Variants in IKZF1 observed in about 807,000 individuals in gnomAD.
IKZF1 encodes the protein IKAROS family zinc finger 1, also known as DNA-binding protein Ikaros.
In IKZF1, 10 loss-of-function variants were observed where a neutral mutation model predicts 51.7. That is an observed-to-expected ratio of 0.19 (90% CI 0.12 to 0.33). IKZF1 has a LOEUF of 0.33. Ranked by LOEUF, IKZF1 falls within the 10% of genes least tolerant of loss-of-function variation. IKZF1 has a pLI of 1.00. For missense variants in IKZF1, 484 were observed against 707.5 expected, an observed-to-expected ratio of 0.68 and a Z score of 3.58; for synonymous variants, 280 against 282.3, an observed-to-expected ratio of 0.99 and a Z score of 0.08.
At chr7:50,357,144 C>T (rs1001937278) in intron 3 of IKZF1, among the ~76,000 whole-genome samples, 5 of 151,874 alleles carry the variant, frequency 3.3e-5, no homozygotes, top group African/African-American at 7.3e-5. Flanking sequence ...GTGTTATAAC[C>T]GACTCCTTCT....
At chr7:50,311,019 A>G (rs1352440656) in intron 1 of IKZF1, among the ~76,000 whole-genome samples, 1 of 152,240 alleles carries the variant, frequency 6.6e-6, no homozygotes, top group East Asian at 1.9e-4. Context: ...ATAGTTCAAC[A>G]TAGATTAATT....
Position 50,400,601 on chromosome 7 carries a change from G to C in IKZF1, c.1534G>C (p.Gly512Arg), listed in dbSNP as rs1290131938. ...RYEFSSHITR[G>R]EHRFHMS ...CGAGTTCTCGTCGCACATAACGCGA[G>C]GGGAGCACCGCTTCCACATGAGCTA... The change falls in exon 8 of 8, where the codon GGG becomes CGG. Residue 512 changes from glycine to arginine, a missense_variant. Physicochemically the swap from Gly to Arg is moderately radical, Grantham distance 125. This residue lies in a region of IKZF1 where 42 missense variants were observed against 84.4 expected (regional missense o/e 0.50). Transcript: ENST00000331340. This position sits in a 1 kb window ranked among gnomAD's most constrained non-coding sequence, Gnocchi z 5.4. 1 of 1,611,440 alleles carries C rather than the reference G, an allele frequency of 6.2e-7. No individual in the cohort carries two copies. The highest frequency in any genetic ancestry group is 8.5e-7 in the Non-Finnish European group (1 of 1,179,868).
rs548898195 is a variant in IKZF1, at chr7:50,359,665, C to T, written c.161-16868C>T. ...ACATACACATGTACACACGTGCACA[C>T]GTGGTCACTCATGTACACATGTGTG... On this transcript the variant is annotated intron_variant, in intron 3 of 7. Coordinates refer to ENST00000331340, the MANE Select transcript of IKZF1 (RefSeq NM_006060.6). Among the ~76,000 whole-genome samples the T allele has an allele frequency of 2.1e-4, 32 of 152,382 alleles. No individual in the cohort carries two copies. The South Asian group carries it at 2.7e-3, about 13-fold the overall frequency.
intron 4 of IKZF1, among the ~76,000 whole-genome samples, chr7:50,379,524 T>C (rs924862914): frequency 6.6e-6 from 1 of 152,160 alleles, no homozygotes; most frequent in Non-Finnish European, 1.5e-5. Flanking sequence ...TCCCCACCAA[T>C]GTCTCAGGGT....
intron 2 of IKZF1, among the ~76,000 whole-genome samples, chr7:50,326,417 T>C (rs1385450210): frequency 6.6e-6 from 1 of 152,238 alleles, no homozygotes; most frequent in East Asian, 1.9e-4. Context: ...CACACGTAGC[T>C]ATACTGCATA....
At chr7:50,399,874 C>T (rs1014337844) in intron 7 of IKZF1, 44 bp from the exon 8 acceptor site, 1 of 1,570,298 alleles carries the variant, frequency 6.4e-7, no homozygotes. Context: ...CTGACCGGTT[C>T]CGGAGGTGGC....
At chr7:50,385,196 A>G (rs1226270415) in intron 5 of IKZF1, among the ~76,000 whole-genome samples, 1 of 152,206 alleles carries the variant, frequency 6.6e-6, no homozygotes, top group African/African-American at 2.4e-5. Context: ...CTGTCCGAAA[A>G]TGCTATAGAG....
intron 1 of IKZF1, among the ~76,000 whole-genome samples, chr7:50,312,614 C>T (rs997652557): frequency 9.9e-5 from 15 of 152,114 alleles, no homozygotes; most frequent in African/African-American, 3.6e-4. Flanking sequence ...GTTTCTTTTC[C>T]CTCTGTATCA....
At chr7:50,327,870 G>A in intron 3 of IKZF1, 113 bp downstream of exon 3, 1 of 1,192,814 alleles carries the variant, frequency 8.4e-7, no homozygotes, top group South Asian at 1.6e-5. Context: ...CCCTCAACTG[G>A]CATATTAAAG....
intron 7 of IKZF1, among the ~76,000 whole-genome samples, chr7:50,394,634 G>A (rs115999984): frequency 0.012 from 1,779 of 152,326 alleles, 35 homozygotes; most frequent in African/African-American, 0.039. Context: ...GGTGATGGAT[G>A]TGATGGTGCT....
intron 7 of IKZF1, among the ~76,000 whole-genome samples, chr7:50,395,948 T>A (rs560477791): frequency 6.6e-6 from 1 of 152,330 alleles, no homozygotes; most frequent in South Asian, 2.1e-4. Context: ...TCAAGTCTAG[T>A]GTAACTGTTT....
At chr7:50,319,937 G>C (rs187263035) in intron 2 of IKZF1, among the ~76,000 whole-genome samples, 68 of 152,294 alleles carry the variant, frequency 4.5e-4, no homozygotes, top group African/African-American at 1.6e-3. Flanking sequence ...TGAAGACCAG[G>C]ACCTATGTGT....
intron 1 of IKZF1, among the ~76,000 whole-genome samples, chr7:50,314,796 A>T (rs2153350745): frequency 6.6e-6 from 1 of 152,328 alleles, no homozygotes; most frequent in Middle Eastern, 3.4e-3. Flanking sequence ...CTCCTTTGGG[A>T]TGCTGAAGTC....
At chr7:50,373,828 A>C (rs905580187) in intron 3 of IKZF1, among the ~76,000 whole-genome samples, 1 of 152,176 alleles carries the variant, frequency 6.6e-6, no homozygotes, top group Non-Finnish European at 1.5e-5. Context: ...CTCAATGGTC[A>C]TTAAGCACCA....
intron 1 of IKZF1, 115 bp from the exon 2 acceptor site, chr7:50,318,933 A>G: frequency 1.5e-6 from 1 of 653,234 alleles, no homozygotes; most frequent in South Asian, 1.9e-5. Flanking sequence ...AAAATGCATT[A>G]TTCTTGCTAG....
rs764875299 is a variant in IKZF1 at position 50,376,870 on chromosome 7, T to C, written c.421+77T>C. 27 of 1,560,728 alleles carry C rather than the reference T, an allele frequency of 1.7e-5. No homozygotes were observed. Among genetic ancestry groups the C allele is most frequent in the Admixed American group, 9.4e-5 (5 of 52,922 alleles). Reference sequence around the variant, plus strand: ...TTTGAAGGAGGAAAGCATCCTGTCTTCCTTGTGTTCTGAGCATGTTTCTAA... The same window carrying C: ...TTTGAAGGAGGAAAGCATCCTGTCTCCCTTGTGTTCTGAGCATGTTTCTAA... On this transcript the variant is annotated intron_variant, in intron 4 of 7. Transcript: ENST00000331340. The surrounding 1 kb of genome is among the most constrained non-coding windows in gnomAD (Gnocchi z 4.5).
intron 1 of IKZF1, among the ~76,000 whole-genome samples, chr7:50,311,452 C>T (rs950291106): frequency 9.2e-5 from 14 of 152,058 alleles, no homozygotes; most frequent in African/African-American, 3.4e-4. Context: ...GGAATGTGTC[C>T]TCAGTGGGCC....
intron 2 of IKZF1, among the ~76,000 whole-genome samples, chr7:50,322,996 T>G (rs749551850): frequency 4.7e-4 from 72 of 152,202 alleles, no homozygotes; most frequent in Non-Finnish European, 9.1e-4. Flanking sequence ...AAACATAAAC[T>G]GTATATATCT....
rs1472998665 is a variant in IKZF1 at position 50,376,176 on chromosome 7, T to C, written c.161-357T>C. On this transcript the variant is annotated intron_variant, in intron 3 of 7. Coordinates refer to ENST00000331340, the MANE Select transcript of IKZF1 (RefSeq NM_006060.6). The surrounding 1 kb of genome is among the most constrained non-coding windows in gnomAD (Gnocchi z 4.5). ...AGGTGCCCATCTGATGGGTAGGGTG[T>C]AGGAGTAGGCCTCAGACCACTCCTG... 6.6e-6 allele frequency among the ~76,000 whole-genome samples: 1 copy of C among 152,238 alleles called. No homozygotes were observed. Among genetic ancestry groups the C allele is most frequent in the Non-Finnish European group, 1.5e-5 (1 of 68,044 alleles).
Sources: allele counts gnomAD v4.1 joint callset (sites outside exome capture counted in the v4.1 genomes callset), GRCh38; gene constraint gnomAD v4.1.1; regional missense constraint gnomAD v4.1.1; non-coding constraint Gnocchi (gnomAD v3.1); transcripts MANE v1.5; gene names NCBI Gene and HGNC (gene_info 2026-07-23, HGNC 2026-07-21).